ADCY2: variants seen among roughly 807,000 people sequenced by gnomAD.
The protein encoded by ADCY2 is adenylate cyclase type 2.
In ADCY2, 31 loss-of-function variants were observed where a neutral mutation model predicts 125.2. The ratio of observed to expected loss-of-function variants is 0.25; its 90% CI spans 0.19 to 0.33. ADCY2 has a LOEUF of 0.33. ADCY2 is among the 10% of genes least tolerant of loss of function. ADCY2 has a pLI of 1.00. For synonymous variants in ADCY2, 512 were observed against 548.4 expected, an observed-to-expected ratio of 0.93 and a Z score of 0.93; for missense variants, 904 against 1,418.2, an observed-to-expected ratio of 0.64 and a Z score of 5.82.
chr5:7,774,480 T>G (rs1383365515), intron 18 of ADCY2, among the ~76,000 whole-genome samples: 1 of 152,220 alleles, frequency 6.6e-6, no homozygotes, highest in Non-Finnish European at 1.5e-5. Flanking sequence ...CGCTACTAAG[T>G]TTCCTTTTAT....
Position 7,575,676 on chromosome 5 carries a change from C to T in ADCY2, c.571-50491C>T, listed in dbSNP as rs147850952. Among the ~76,000 whole-genome samples the T allele has an allele frequency of 8.3e-3, 1,266 of 152,198 alleles. 19 individuals are homozygous for T. The highest frequency in any genetic ancestry group is 0.029 in the African/African-American group (1,211 of 41,512). On this transcript the variant is annotated intron_variant, in intron 3 of 24. Transcript: ENST00000338316. ...GATAAAGCCATTCATTTTATATTTACGCTTTTGGAAAACTGCAAACCTTAC... is the reference window on the plus strand; with the variant it reads ...GATAAAGCCATTCATTTTATATTTATGCTTTTGGAAAACTGCAAACCTTAC...
In ADCY2 at chr5:7,765,376, G is replaced by A. The variant is rs139706587; in HGVS notation, c.2095-1311G>A. ...TGTTTGCCAAGCAATTATTCCATTC[G>A]TATAAGTTTTTCCAAAATGTTAGCA... On this transcript the variant is annotated intron_variant, in intron 16 of 24. Transcript: ENST00000338316. Among the ~76,000 whole-genome samples, 641 of 152,154 alleles carry A rather than the reference G, an allele frequency of 4.2e-3. 3 individuals are homozygous for A. The highest frequency in any genetic ancestry group is 6.0e-3 in the Non-Finnish European group (411 of 68,002).
chr5:7,423,902 C>T (rs1230330124), intron 2 of ADCY2, among the ~76,000 whole-genome samples: 1 of 152,200 alleles, frequency 6.6e-6, no homozygotes, highest in Non-Finnish European at 1.5e-5. Flanking sequence ...GTCCTCTGGC[C>T]TGCACACAGA....
chr5:7,447,033 A>G lies in ADCY2; in HGVS notation c.408+32263A>G, dbSNP rs1741287877. ...GGATGCTGCTTGTTTTGTTAGCTGC[A>G]GGTGACGCATGTGTTTCTTCACTTT... On this transcript the variant is annotated intron_variant, in intron 2 of 24. Coordinates refer to ENST00000338316, the MANE Select transcript of ADCY2 (RefSeq NM_020546.3). Among the ~76,000 whole-genome samples the G allele has an allele frequency of 2.0e-5, 3 of 152,142 alleles. No homozygotes were observed. In the South Asian group the frequency reaches 6.2e-4, roughly 32 times the overall value.
In ADCY2 at chr5:7,520,836, C is replaced by T. The variant is rs202247706; in HGVS notation, c.507C>T (p.His169=). The change falls in exon 3 of 25, where the codon CAC becomes CAT. Residue 169 remains histidine, a synonymous_variant. Transcript: ENST00000338316. ...CCAGCGTCCTCACCTCCTCCTCCCA[C>T]ACCATCGTGCTTAGCGTCTGCCTGT... ...IIASVLTSSS[H]TIVLSVCLSA... The T allele has an allele frequency of 4.3e-6, 7 of 1,614,118 alleles. No individual in the cohort carries two copies. The highest frequency in any genetic ancestry group is 3.3e-5 in the Admixed American group (2 of 60,006).
At chr5:7,441,385 T>A (rs1284018078) in intron 2 of ADCY2, among the ~76,000 whole-genome samples, 1 of 152,192 alleles carries the variant, frequency 6.6e-6, no homozygotes, top group African/African-American at 2.4e-5. Flanking sequence ...TGATACTGCA[T>A]GTCATATTGA....
intron 2 of ADCY2, among the ~76,000 whole-genome samples, chr5:7,423,917 G>T (rs2126357518): frequency 6.6e-6 from 1 of 152,312 alleles, no homozygotes; most frequent in South Asian, 2.1e-4. Context: ...CACAGACTTT[G>T]TGATTCTCCT....
intron 2 of ADCY2, among the ~76,000 whole-genome samples, chr5:7,501,646 T>TTCC (rs1743584514): frequency 2.5e-5 from 1 of 40,546 alleles, no homozygotes; most frequent in African/African-American, 9.8e-5. Flanking sequence ...GATTCCCCCC[T>TTCC]CCCCCCCCCC....
rs1036107473 is a variant in ADCY2 at position 7,617,275 on chromosome 5, T to C, written c.571-8892T>C. ...AGAACTGTGAGCTGATAAATTTCTG[T>C]TTTGTGTAAGTTACCCAGTCTGTGG... On this transcript the variant is annotated intron_variant, in intron 3 of 24. Transcript: ENST00000338316. Among the ~76,000 whole-genome samples the C allele has an allele frequency of 3.3e-5, 5 of 152,210 alleles. No individual in the cohort carries two copies. In the South Asian group the frequency reaches 1.0e-3, roughly 32 times the overall value.
At chr5:7,435,654 T>G (rs1740772190) in intron 2 of ADCY2, among the ~76,000 whole-genome samples, 1 of 152,252 alleles carries the variant, frequency 6.6e-6, no homozygotes, top group Non-Finnish European at 1.5e-5. Context: ...GTGTTGACTA[T>G]TAAAATACCA....
intron 2 of ADCY2, among the ~76,000 whole-genome samples, chr5:7,447,058 T>A (rs905243852): frequency 6.6e-6 from 1 of 152,042 alleles, no homozygotes; most frequent in Non-Finnish European, 1.5e-5. Context: ...TTCTTCACTT[T>A]CGGAGTGCGT....
Position 7,826,894 on chromosome 5 carries a change from G to A in ADCY2, c.*23G>A, listed in dbSNP as rs372251132. ...TGAAGAGTCACCTTCATTTTGGCAA[G>A]AAGACTGTATTTTCAGGAAGGTATC... On this transcript the variant is annotated 3_prime_UTR_variant, in exon 25 of 25. Coordinates refer to ENST00000338316, the MANE Select transcript of ADCY2 (RefSeq NM_020546.3). 6.3e-7 allele frequency: 1 copy of A among 1,580,838 alleles called. No homozygotes were observed. The highest frequency in any genetic ancestry group is 8.6e-7 in the Non-Finnish European group (1 of 1,167,014).
chr5:7,685,449 TCTC>T (rs765743499), intron 4 of ADCY2, among the ~76,000 whole-genome samples: 23 of 152,172 alleles, frequency 1.5e-4, no homozygotes, highest in East Asian at 1.2e-3. Context: ...AATCCCATCT[TCTC>T]CTACTTCAGA....
intron 19 of ADCY2, among the ~76,000 whole-genome samples, chr5:7,788,493 C>T (rs1199725555): frequency 1.3e-5 from 2 of 152,166 alleles, no homozygotes; most frequent in Non-Finnish European, 2.9e-5. Context: ...TATAAACAAA[C>T]TTTTAAAATA....
intron 3 of ADCY2, among the ~76,000 whole-genome samples, chr5:7,539,875 C>T (rs528300885): frequency 1.6e-4 from 25 of 152,312 alleles, no homozygotes; most frequent in African/African-American, 5.8e-4. Context: ...AAACCGTAAT[C>T]GTATTTCCAC....
chr5:7,561,262 G>A (rs13158029), intron 3 of ADCY2, among the ~76,000 whole-genome samples: 45,657 of 152,092 alleles, frequency 0.3, 8,020 homozygotes, highest in Non-Finnish European at 0.4. Flanking sequence ...GAAATGCATC[G>A]TTAGGCAATT....
chr5:7,700,719 C>CACA (rs1458666562), intron 7 of ADCY2, among the ~76,000 whole-genome samples: 2 of 98,340 alleles, frequency 2.0e-5, no homozygotes, highest in Admixed American at 1.3e-4. Context: ...CTCGCACCCA[C>CACA]CACACACACA....
At chr5:7,467,534 C>A (rs1381931215) in intron 2 of ADCY2, among the ~76,000 whole-genome samples, 1 of 152,176 alleles carries the variant, frequency 6.6e-6, no homozygotes, top group African/African-American at 2.4e-5. Flanking sequence ...ACTTTTTTAT[C>A]CAGCTTTGAA....
chr5:7,715,648 A>G (rs1340515947), intron 11 of ADCY2, among the ~76,000 whole-genome samples: 1 of 152,042 alleles, frequency 6.6e-6, no homozygotes, highest in Non-Finnish European at 1.5e-5. Flanking sequence ...ATTTGGCTCA[A>G]TATCTGTGGG....
Sources: gnomAD v4.1 joint callset for allele counts (sites outside exome capture counted in the v4.1 genomes callset) on GRCh38, gnomAD v4.1.1 for gene constraint, MANE v1.5 for transcripts, NCBI Gene and HGNC (gene_info 2026-07-23, HGNC 2026-07-21) for gene names.